PGGT1B: variants seen among roughly 807,000 people sequenced by gnomAD.
The protein encoded by PGGT1B is protein geranylgeranyltransferase type I subunit beta.
Under a neutral mutation model 46.1 loss-of-function variants are expected in PGGT1B, and 30 were observed. That is an observed-to-expected ratio of 0.65 (90% CI 0.49 to 0.88). PGGT1B has a LOEUF of 0.88. Among genes scored for constraint, PGGT1B ranks in the 40% least tolerant of loss-of-function variants. The pLI is 0.00. For synonymous variants in PGGT1B, 170 were observed against 160.0 expected (o/e 1.06, Z -0.47); for missense variants, 376 against 455.9 (o/e 0.82, Z 1.60).
intron 7 of PGGT1B, 129 bp from the exon 8 acceptor site, chr5:115,217,102 C>T (rs991150203): frequency 6.5e-6 from 4 of 614,858 alleles, no homozygotes; most frequent in Non-Finnish European, 1.2e-5. Flanking sequence ...TCTCTGGGGC[C>T]TTGAGCACTT....
chr5:115,210,916 T>C lies in PGGT1B; in HGVS notation c.*1486A>G, dbSNP rs1756200261. 6.6e-6 allele frequency: 1 copy of C among 152,102 alleles called. No individual in the cohort carries two copies. Among genetic ancestry groups the C allele is most frequent in the Non-Finnish European group, 1.5e-5 (1 of 67,948 alleles). 9.4% of individuals were successfully genotyped at this position (152,102 alleles called of 1,614,324 possible). On this transcript the variant is annotated 3_prime_UTR_variant, in exon 9 of 9. Coordinates refer to ENST00000419445, the MANE Select transcript of PGGT1B (RefSeq NM_005023.4). ...AACATACAGTTGGCAAACTCAGGTT[T>C]AAAACTAAGCATGCCAATAATAAAT...
rs558865524 is a variant in PGGT1B, at chr5:115,251,464, T to G, written c.259+1673A>C. On this transcript the variant is annotated intron_variant, in intron 2 of 8. Coordinates refer to ENST00000419445, the MANE Select transcript of PGGT1B (RefSeq NM_005023.4). Reference sequence around the variant, plus strand: ...TAAAATGGTAGGGGGAAGTAAACACTTATTAAAGAACAGACCAAAAAATTG... The same window carrying G: ...TAAAATGGTAGGGGGAAGTAAACACGTATTAAAGAACAGACCAAAAAATTG... Among the ~76,000 whole-genome samples the G allele has an allele frequency of 1.4e-4, 22 of 152,186 alleles. No individual in the cohort carries two copies. The South Asian group carries it at 4.1e-3, about 29-fold the overall frequency.
chr5:115,257,884 T>C (rs1748391232), intron 1 of PGGT1B, among the ~76,000 whole-genome samples: 1 of 152,228 alleles, frequency 6.6e-6, no homozygotes, highest in Non-Finnish European at 1.5e-5. Context: ...GATGATACAT[T>C]AGACTTAATC....
At chr5:115,228,245 C>T (rs981507635) in intron 6 of PGGT1B, among the ~76,000 whole-genome samples, 1 of 152,134 alleles carries the variant, frequency 6.6e-6, no homozygotes, top group African/African-American at 2.4e-5. Flanking sequence ...GCCATCAACA[C>T]AGAGATAATT....
chr5:115,223,945 T>C (rs1281009264), intron 6 of PGGT1B, among the ~76,000 whole-genome samples: 2 of 152,182 alleles, frequency 1.3e-5, no homozygotes, highest in Non-Finnish European at 2.9e-5. Context: ...AACTTTCCTT[T>C]CAGTGTTACA....
At chr5:115,214,524 C>T (rs1415429052) in intron 8 of PGGT1B, among the ~76,000 whole-genome samples, 1 of 152,112 alleles carries the variant, frequency 6.6e-6, no homozygotes, top group African/African-American at 2.4e-5. Context: ...TTTAAAGAAT[C>T]TTGTTAAAAT....
At chr5:115,246,815 T>C (rs1204481629) in intron 2 of PGGT1B, among the ~76,000 whole-genome samples, 2 of 152,236 alleles carry the variant, frequency 1.3e-5, no homozygotes, top group East Asian at 1.9e-4. Flanking sequence ...TATACTTTTG[T>C]AGAACTATAG....
intron 2 of PGGT1B, among the ~76,000 whole-genome samples, chr5:115,246,400 C>T (rs1747837287): frequency 6.6e-6 from 1 of 151,596 alleles, no homozygotes; most frequent in African/African-American, 2.4e-5. Context: ...TTATTAGGTA[C>T]TCTTTTGCGG....
chr5:115,207,594 T>G lies in PGGT1B; in HGVS notation c.*4808A>C, dbSNP rs546581175. 6.6e-6 allele frequency: 1 copy of G among 152,206 alleles called. No individual in the cohort carries two copies. The highest frequency in any genetic ancestry group is 2.1e-4 in the South Asian group (1 of 4,830). The allele number at this position is 152,206 out of a possible 1,614,324, so 9.4% of individuals were successfully genotyped here. A position where few individuals can be genotyped will look rare whatever the true frequency, so the allele number is the denominator to read the frequency against. On this transcript the variant is annotated 3_prime_UTR_variant, in exon 9 of 9. Transcript: ENST00000419445. ...ACTTCACCGAAATGGAATCAAAGTA[T>G]GCACTTGTGTCTGGTGAAGCCTACT...
At position 115,257,846 on chromosome 5, in the gene PGGT1B, TAAC is replaced by T. The variant is rs1748389579; in HGVS notation, c.141-4594_141-4592del. On this transcript the variant is annotated intron_variant, in intron 1 of 8. Coordinates refer to ENST00000419445, the MANE Select transcript of PGGT1B (RefSeq NM_005023.4). ...GAAATAAGAACACAAATAAAATTGA[TAAC>T]CATGTCAGTGAAGAGAGAGCCTTAG... Among the ~76,000 whole-genome samples, 3 of 152,334 alleles carry T rather than the reference TAAC, an allele frequency of 2.0e-5. No individual in the cohort carries two copies. The East Asian group carries it at 5.8e-4, about 29-fold the overall frequency.
chr5:115,213,633 T>C (rs1756314567), intron 8 of PGGT1B, among the ~76,000 whole-genome samples: 1 of 152,052 alleles, frequency 6.6e-6, no homozygotes, highest in African/African-American at 2.4e-5. Context: ...TTACCAGGTA[T>C]GGTGGCGTGC....
At chr5:115,255,378 A>G (rs1748268852) in intron 1 of PGGT1B, among the ~76,000 whole-genome samples, 1 of 152,218 alleles carries the variant, frequency 6.6e-6, no homozygotes, top group African/African-American at 2.4e-5. Context: ...ATGTCTCATG[A>G]GAGAAGGTCC....
At chr5:115,259,982 T>A (rs1236263232) in intron 1 of PGGT1B, among the ~76,000 whole-genome samples, 1 of 152,154 alleles carries the variant, frequency 6.6e-6, no homozygotes, top group Non-Finnish European at 1.5e-5. Flanking sequence ...GAATAACTCA[T>A]AACCACACTA....
intron 6 of PGGT1B, among the ~76,000 whole-genome samples, chr5:115,228,852 G>C (rs1385885031): frequency 1.3e-5 from 2 of 152,102 alleles, no homozygotes; most frequent in African/African-American, 4.8e-5. Context: ...ATGAGAAAAA[G>C]ATATTGGATT....
At chr5:115,245,395 G>A (rs915605542) in intron 2 of PGGT1B, among the ~76,000 whole-genome samples, 16 of 152,176 alleles carry the variant, frequency 1.1e-4, no homozygotes, top group Non-Finnish European at 5.9e-5. Flanking sequence ...ACCATATAAG[G>A]TTAGGAGATT....
intron 2 of PGGT1B, among the ~76,000 whole-genome samples, chr5:115,251,668 CAGG>C (rs1220475310): frequency 1.3e-5 from 2 of 151,860 alleles, no homozygotes; most frequent in Non-Finnish European, 2.9e-5. Flanking sequence ...TATTTTATTT[CAGG>C]AGTACGAGTT....
At chr5:115,230,921 A>T in intron 6 of PGGT1B, 55 bp downstream of exon 6, 1 of 1,037,912 alleles carries the variant, frequency 9.6e-7, no homozygotes, top group Middle Eastern at 2.1e-4. Context: ...AGACACCAAG[A>T]TGTTGTCTAA....
At chr5:115,212,719 TA>T (rs1183690443) in intron 8 of PGGT1B, 136 bp from the exon 9 acceptor site, 1 of 568,148 alleles carries the variant, frequency 1.8e-6, no homozygotes, top group African/African-American at 2.0e-5. Flanking sequence ...GTTTTAAAAA[TA>T]TTTGCTTTCT....
chr5:115,205,137 T>C lies in PGGT1B; in HGVS notation c.*7265A>G, dbSNP rs80221009. The C allele has an allele frequency of 6.6e-6, 1 of 152,200 alleles. No individual in the cohort carries two copies. Among genetic ancestry groups the C allele is most frequent in the Non-Finnish European group, 1.5e-5 (1 of 68,022 alleles). 9.4% of individuals were successfully genotyped at this position (152,200 alleles called of 1,614,324 possible). On this transcript the variant is annotated 3_prime_UTR_variant, in exon 9 of 9. Coordinates refer to ENST00000419445, the MANE Select transcript of PGGT1B (RefSeq NM_005023.4). ...TACCAAACTCCTTGACTTGCTCATGTAGAATTAAATGAGAGGGAAATTGGC... is the reference window on the plus strand; with the variant it reads ...TACCAAACTCCTTGACTTGCTCATGCAGAATTAAATGAGAGGGAAATTGGC...
Sources: gnomAD v4.1 joint callset for allele counts (sites outside exome capture counted in the v4.1 genomes callset) on GRCh38, gnomAD v4.1.1 for gene constraint, MANE v1.5 for transcripts, NCBI Gene and HGNC (gene_info 2026-07-23, HGNC 2026-07-21) for gene names.